The following RIMS1 variants were observed in gnomAD, a reference collection of about 807,000 sequenced individuals.
RIMS1 encodes regulating synaptic membrane exocytosis protein 1.
In RIMS1, 83 loss-of-function variants were observed where a neutral mutation model predicts 214.1. That is an observed-to-expected ratio of 0.39 (90% confidence interval 0.32 to 0.47). The LOEUF is 0.47. Among genes scored for constraint, RIMS1 ranks in the 20% least tolerant of loss-of-function variants. The probability of loss-of-function intolerance (pLI) is 0.99; values close to 1 mark genes in which losing one functional copy is unlikely to be tolerated. For synonymous variants in RIMS1, 793 were observed against 786.8 expected (o/e 1.01, Z -0.13); for missense variants, 2,050 against 2,161.8 (o/e 0.95, Z 1.03).
chr6:72,161,075 G>C (rs2045331389), intron 4 of RIMS1, among the ~76,000 whole-genome samples: 1 of 139,860 alleles, frequency 7.2e-6, no homozygotes, highest in Non-Finnish European at 1.6e-5. Flanking sequence ...GCTGTTATTG[G>C]TCTATTAAGA....
At chr6:72,368,388 G>A (rs1019134878) in intron 29 of RIMS1, among the ~76,000 whole-genome samples, 5 of 134,944 alleles carry the variant, frequency 3.7e-5, no homozygotes, top group Admixed American at 8.3e-5. Context: ...TGTAAGCTCC[G>A]CCTCACAGGT....
At chr6:72,144,398 T>C (rs559204524) in intron 4 of RIMS1, among the ~76,000 whole-genome samples, 1 of 152,288 alleles carries the variant, frequency 6.6e-6, no homozygotes, top group African/African-American at 2.4e-5. Context: ...TCATGAAATA[T>C]CAGTGATGTA....
chr6:71,997,897 A>C (rs1450388458), intron 2 of RIMS1, among the ~76,000 whole-genome samples: 1 of 152,180 alleles, frequency 6.6e-6, no homozygotes, highest in Non-Finnish European at 1.5e-5. Flanking sequence ...AAAAACAAGT[A>C]AATTAGCTTG....
intron 1 of RIMS1, among the ~76,000 whole-genome samples, chr6:71,952,047 C>G (rs536048724): frequency 1.7e-4 from 26 of 152,260 alleles, no homozygotes; most frequent in African/African-American, 6.0e-4. Context: ...ATTGGTGGCC[C>G]TATGACAGTT....
intron 23 of RIMS1, among the ~76,000 whole-genome samples, chr6:72,280,964 A>C (rs1477439998): frequency 6.6e-6 from 1 of 152,120 alleles, no homozygotes; most frequent in East Asian, 1.9e-4. Context: ...GTGTGTGTGC[A>C]GTGGTAGTGG....
At chr6:72,274,222 T>C in intron 22 of RIMS1, 127 bp from the exon 23 acceptor site, 1 of 558,376 alleles carries the variant, frequency 1.8e-6, no homozygotes, top group Non-Finnish European at 3.3e-6. Context: ...GATTTTAAAT[T>C]ATGGAGCAAA....
chr6:72,290,485 C>A (rs1015655990), intron 24 of RIMS1, among the ~76,000 whole-genome samples, 194 bp from the exon 25 acceptor site: 1 of 152,204 alleles, frequency 6.6e-6, no homozygotes, highest in South Asian at 2.1e-4. Flanking sequence ...TCTTTAAAAA[C>A]CACATGGCGT....
At chr6:72,122,961 T>C (rs2038724705) in intron 4 of RIMS1, among the ~76,000 whole-genome samples, 1 of 151,900 alleles carries the variant, frequency 6.6e-6, no homozygotes, top group Non-Finnish European at 1.5e-5. Flanking sequence ...TTTTTTTGTG[T>C]CTCTATCTCC....
intron 2 of RIMS1, among the ~76,000 whole-genome samples, chr6:71,977,656 A>AAGGGT (rs1797489854): frequency 6.6e-6 from 1 of 152,156 alleles, no homozygotes; most frequent in Non-Finnish European, 1.5e-5. Flanking sequence ...TTAAAAAGAG[A>AAGGGT]CTTGAAAGAT....
At chr6:71,923,715 C>T (rs551802920) in intron 1 of RIMS1, among the ~76,000 whole-genome samples, 2 of 152,020 alleles carry the variant, frequency 1.3e-5, no homozygotes, top group African/African-American at 2.4e-5. Context: ...TACTCATGTG[C>T]CACCATGCCC....
At chr6:72,134,948 G>C (rs950487134) in intron 4 of RIMS1, among the ~76,000 whole-genome samples, 3 of 152,024 alleles carry the variant, frequency 2.0e-5, no homozygotes, top group African/African-American at 7.2e-5. Context: ...AGAGATAAAG[G>C]CTTTCCAGAA....
chr6:72,254,623 G>A (rs897493842), intron 16 of RIMS1, among the ~76,000 whole-genome samples: 2 of 152,212 alleles, frequency 1.3e-5, no homozygotes, highest in East Asian at 3.9e-4. Flanking sequence ...CATATTTTTA[G>A]TTATGAGACA....
At chr6:72,335,885 G>C (rs1466486747) in intron 29 of RIMS1, among the ~76,000 whole-genome samples, 1 of 151,872 alleles carries the variant, frequency 6.6e-6, no homozygotes, top group Non-Finnish European at 1.5e-5. Context: ...CTTGAGAAGT[G>C]TTTGTTCATA....
At chr6:72,372,976 CAAAATT>C (rs2098266225) in intron 29 of RIMS1, among the ~76,000 whole-genome samples, 2 of 152,084 alleles carry the variant, frequency 1.3e-5, no homozygotes, top group South Asian at 2.1e-4. Flanking sequence ...CTTTTTTAAA[CAAAATT>C]AAAATTAAAG....
Position 72,400,912 on chromosome 6 carries a change from A to G in RIMS1, c.*198A>G. ...CAGAACAAGGCAATCTATCAAATTT[A>G]CAGGAAGAATCAACATGCTGGTGAG... is the stretch of plus-strand genomic sequence containing the variant. On this transcript the variant is annotated 3_prime_UTR_variant, in exon 34 of 34. Transcript: ENST00000521978. The G allele has an allele frequency of 1.8e-6, 1 of 544,518 alleles. No individual in the cohort carries two copies. The highest frequency in any genetic ancestry group is 3.3e-6 in the Non-Finnish European group (1 of 307,252). The allele number at this position is 544,518 out of a possible 1,614,324, so 33.7% of individuals were successfully genotyped here.
chr6:72,010,107 C>G (rs1410252206), intron 2 of RIMS1, among the ~76,000 whole-genome samples: 3 of 152,250 alleles, frequency 2.0e-5, no homozygotes, highest in South Asian at 2.1e-4. Flanking sequence ...CTGAATCCAG[C>G]AACACATCAA....
chr6:71,899,615 A>C (rs1356441840), intron 1 of RIMS1, among the ~76,000 whole-genome samples: 1 of 152,068 alleles, frequency 6.6e-6, no homozygotes, highest in Non-Finnish European at 1.5e-5. Flanking sequence ...AGTTAATTCT[A>C]TCTAATTTAC....
intron 2 of RIMS1, among the ~76,000 whole-genome samples, chr6:72,093,255 C>CAT (rs1207657530): frequency 2.8e-5 from 3 of 107,952 alleles, no homozygotes; most frequent in Non-Finnish European, 6.5e-5. Flanking sequence ...TATGTATATA[C>CAT]ATATATGTAT....
intron 2 of RIMS1, among the ~76,000 whole-genome samples, chr6:72,009,369 G>A (rs1297579550): frequency 1.3e-5 from 2 of 152,176 alleles, no homozygotes; most frequent in Non-Finnish European, 2.9e-5. Context: ...ACAAGAGAAA[G>A]CAGGAAAGAT....
Sources: allele counts gnomAD v4.1 joint callset (sites outside exome capture counted in the v4.1 genomes callset), GRCh38; gene constraint gnomAD v4.1.1; transcripts MANE v1.5; gene names NCBI Gene and HGNC (gene_info 2026-07-23, HGNC 2026-07-21).